Variants in VIPR2 observed in about 807,000 individuals in gnomAD.
The protein encoded by VIPR2 is vasoactive intestinal polypeptide receptor 2.
A neutral mutation model predicts 58.0 loss-of-function variants in VIPR2; 48 were observed. The observed-to-expected ratio is 0.83, with a 90% CI of 0.66 to 1.05. VIPR2 has a LOEUF of 1.05. Among genes scored for constraint, VIPR2 ranks in the 50% least tolerant of loss-of-function variants. The pLI is 0.00. For missense variants in VIPR2, 534 were observed against 558.0 expected, an observed-to-expected ratio of 0.96 and a Z score of 0.43; for synonymous variants, 243 against 235.2, an observed-to-expected ratio of 1.03 and a Z score of -0.30.
At chr7:159,123,508 G>T (rs1796545717) in intron 2 of VIPR2, among the ~76,000 whole-genome samples, 1 of 152,078 alleles carries the variant, frequency 6.6e-6, no homozygotes, top group Non-Finnish European at 1.5e-5. Context: ...TGGCTGCATA[G>T]TATTCCATGG....
In VIPR2 at chr7:159,098,008, C is replaced by T. The variant is rs114231907; in HGVS notation, c.357+5749G>A. ...ACCCACTGGGCCAGAGCCCGCACCA[C>T]GATCAGTCCCAGGAGCTCCTCCGTG... On this transcript the variant is annotated intron_variant, in intron 4 of 12. Coordinates refer to ENST00000262178, the MANE Select transcript of VIPR2 (RefSeq NM_003382.5). This position sits in a 1 kb window ranked among gnomAD's most constrained non-coding sequence, Gnocchi z 5.2. Among the ~76,000 whole-genome samples, 1 of 152,334 alleles carries T rather than the reference C, an allele frequency of 6.6e-6. No individual in the cohort carries two copies. Among genetic ancestry groups the T allele is most frequent in the East Asian group, 1.9e-4 (1 of 5,164 alleles).
chr7:159,062,072 C>T (rs1855706510), intron 4 of VIPR2, among the ~76,000 whole-genome samples: 2 of 152,174 alleles, frequency 1.3e-5, no homozygotes, highest in African/African-American at 2.4e-5. Flanking sequence ...CTTCAGGCGG[C>T]GGTGTGGCCA....
intron 2 of VIPR2, chr7:159,117,329 G>A (rs1796273981): frequency 1.4e-6 from 1 of 717,394 alleles, no homozygotes; most frequent in Non-Finnish European, 2.6e-6. Flanking sequence ...ACTGGTCATG[G>A]AGCCAATGGG....
chr7:159,089,698 A>AAACAAC (rs200052492), intron 4 of VIPR2, among the ~76,000 whole-genome samples: 2 of 152,128 alleles, frequency 1.3e-5, no homozygotes, highest in Admixed American at 6.5e-5. Context: ...TCCACTTGTA[A>AAACAAC]AACAACAACA....
intron 4 of VIPR2, among the ~76,000 whole-genome samples, chr7:159,092,650 C>CTTTTTTTTTTTT (rs60400731): frequency 7.5e-6 from 1 of 133,710 alleles, no homozygotes; most frequent in Non-Finnish European, 1.6e-5. Flanking sequence ...CTTTTCTTTT[C>CTTTTTTTTTTTT]TTTTTTTTTT....
intron 2 of VIPR2, among the ~76,000 whole-genome samples, chr7:159,112,358 G>A (rs916067262): frequency 1.3e-5 from 2 of 152,230 alleles, no homozygotes; most frequent in East Asian, 3.9e-4. Context: ...TGCAGCCGAA[G>A]GCGCAGCCGG....
intron 2 of VIPR2, among the ~76,000 whole-genome samples, chr7:159,119,221 A>G (rs571944635): frequency 5.3e-5 from 8 of 152,176 alleles, no homozygotes; most frequent in African/African-American, 1.9e-4. Flanking sequence ...GATGGGGCCC[A>G]GGCATGCAGG....
chr7:159,134,304 CAT>C (rs1322022575), intron 2 of VIPR2, among the ~76,000 whole-genome samples: 3 of 151,876 alleles, frequency 2.0e-5, no homozygotes, highest in Admixed American at 6.6e-5. Flanking sequence ...TTTGAATTAA[CAT>C]GTGTAATTAA....
Position 159,093,352 on chromosome 7 carries a change from AC to A in VIPR2, c.357+10404del. 6.6e-6 allele frequency among the ~76,000 whole-genome samples: 1 copy of A among 152,308 alleles called. No homozygotes were observed. Among genetic ancestry groups the A allele is most frequent in the Non-Finnish European group, 1.5e-5 (1 of 68,024 alleles). On this transcript the variant is annotated intron_variant, in intron 4 of 12. Transcript: ENST00000262178. This position sits in a 1 kb window ranked among gnomAD's most constrained non-coding sequence, Gnocchi z 6.7. ...TCAGGGAAATGGGAAACTCAGACCAACCGTGTTTTAAGAAGCGTCCTTTAGT... is the reference window on the plus strand; with the variant it reads ...TCAGGGAAATGGGAAACTCAGACCAACGTGTTTTAAGAAGCGTCCTTTAGT...
At position 159,034,275 on chromosome 7, in the gene VIPR2, T is replaced by A; in HGVS notation, c.909A>T (p.Ile303=). 6.2e-7 allele frequency: 1 copy of A among 1,614,048 alleles called. No individual in the cohort carries two copies. The highest frequency in any genetic ancestry group is 8.5e-7 in the Non-Finnish European group (1 of 1,179,986). ...IVNFVLFISI[I]RILLQKLTSP... ...ATGTTAACTTCTGCAGCAAAATTCG[T>A]ATAATACTAATGAAAAGGACAAAAT... Residue 303 remains isoleucine, a synonymous_variant, in exon 10 of 13, where the codon ATA becomes ATT. Coordinates refer to ENST00000262178, the MANE Select transcript of VIPR2 (RefSeq NM_003382.5).
In VIPR2 at chr7:159,097,371, G is replaced by C. The variant is rs547270659; in HGVS notation, c.357+6386C>G. On this transcript the variant is annotated intron_variant, in intron 4 of 12. Coordinates refer to ENST00000262178, the MANE Select transcript of VIPR2 (RefSeq NM_003382.5). This position sits in a 1 kb window ranked among gnomAD's most constrained non-coding sequence, Gnocchi z 5.3. ...TAAATTTAGCAGACGTGCTCTTTAT[G>C]TAAGAACGGAGTTAACCAGTATGTA... Among the ~76,000 whole-genome samples, 2 of 152,226 alleles carry C rather than the reference G, an allele frequency of 1.3e-5. No homozygotes were observed. The highest frequency in any genetic ancestry group is 4.8e-5 in the African/African-American group (2 of 41,458).
At chr7:159,078,467 A>G (rs80284665) in intron 4 of VIPR2, among the ~76,000 whole-genome samples, 2,044 of 152,308 alleles carry the variant, frequency 0.013, 28 homozygotes, top group Admixed American at 0.029. Flanking sequence ...AATATTCAAA[A>G]GCTGATTTCC....
At chr7:159,051,541 T>C (rs1855007530) in intron 5 of VIPR2, among the ~76,000 whole-genome samples, 1 of 152,178 alleles carries the variant, frequency 6.6e-6, no homozygotes, top group Admixed American at 6.5e-5. Flanking sequence ...AGATTAGAAC[T>C]CACAGTTGTC....
chr7:159,057,052 C>G (rs1855364023), intron 5 of VIPR2, among the ~76,000 whole-genome samples: 1 of 152,144 alleles, frequency 6.6e-6, no homozygotes. Context: ...ATTCCTGATG[C>G]TCTTGGGTTG....
chr7:159,040,893 CTCTG>C (rs1407889575), intron 6 of VIPR2, among the ~76,000 whole-genome samples: 1 of 152,210 alleles, frequency 6.6e-6, no homozygotes, highest in East Asian at 1.9e-4. Flanking sequence ...CCCTTCCCTC[CTCTG>C]TCTGTCACAT....
In VIPR2 at chr7:159,030,264, A is replaced by C. The variant is rs1585314851; in HGVS notation, c.*352T>G. On this transcript the variant is annotated 3_prime_UTR_variant, in exon 13 of 13. Transcript: ENST00000262178. Reference sequence around the variant, plus strand: ...AGGCTGAGGCAGGAGAATGGCGTGAACCCGGGAGGCGGAGCTTGCAGGGAG... The same window carrying C: ...AGGCTGAGGCAGGAGAATGGCGTGACCCCGGGAGGCGGAGCTTGCAGGGAG... 38 of 202,940 alleles carry C rather than the reference A, an allele frequency of 1.9e-4. No individual in the cohort carries two copies. The highest frequency in any genetic ancestry group is 1.7e-3 in the Middle Eastern group (1 of 606). 12.6% of individuals were successfully genotyped at this position (202,940 alleles called of 1,614,324 possible).
intron 3 of VIPR2, among the ~76,000 whole-genome samples, chr7:159,108,336 G>A (rs1364857201): frequency 1.3e-5 from 2 of 152,208 alleles, no homozygotes; most frequent in Admixed American, 6.5e-5. Context: ...GACATTCCAT[G>A]GGGACCATCT....
chr7:159,056,705 A>T (rs929749534), intron 5 of VIPR2, among the ~76,000 whole-genome samples: 7 of 152,258 alleles, frequency 4.6e-5, no homozygotes, highest in Admixed American at 3.9e-4. Flanking sequence ...ATTTTGGAGA[A>T]GAAATGTTCA....
At chr7:159,102,269 C>T (rs56871107) in intron 4 of VIPR2, among the ~76,000 whole-genome samples, 12 of 152,156 alleles carry the variant, frequency 7.9e-5, no homozygotes, top group South Asian at 2.1e-4. Flanking sequence ...ATGGGTCTCA[C>T]GAGATCTGAT....
Sources: gnomAD v4.1 joint callset for allele counts (sites outside exome capture counted in the v4.1 genomes callset) on GRCh38, gnomAD v4.1.1 for gene constraint, Gnocchi (gnomAD v3.1) non-coding constraint, MANE v1.5 for transcripts, NCBI Gene and HGNC (gene_info 2026-07-23, HGNC 2026-07-21) for gene names.